FDFT1: variants seen among roughly 807,000 people sequenced by gnomAD.
FDFT1 encodes farnesyl-diphosphate farnesyltransferase 1, also known as squalene synthase.
FDFT1 carries 68 observed loss-of-function variants against 46.8 expected under a neutral mutation model. The observed-to-expected ratio is 1.45, with a 90% CI of 1.19 to 1.78. FDFT1 has a LOEUF of 1.78. Ranked by LOEUF, FDFT1 falls within the 40% of genes most tolerant of loss-of-function variation. The pLI is 0.00. For synonymous variants in FDFT1, 351 were observed against 185.1 expected (o/e 1.90, Z -7.28); for missense variants, 928 against 524.4 (o/e 1.77, Z -7.52).
intron 7 of FDFT1, among the ~76,000 whole-genome samples, chr8:11,835,769 G>A (rs1477781870): frequency 6.6e-6 from 1 of 152,082 alleles, no homozygotes; most frequent in Non-Finnish European, 1.5e-5. Context: ...GTAGTTTGGT[G>A]CTGATGTTAT....
chr8:11,809,477 T>C, intron 2 of FDFT1, 190 bp from the exon 3 acceptor site: 1 of 1,321,436 alleles, frequency 7.6e-7, no homozygotes, highest in Non-Finnish European at 9.6e-7. Flanking sequence ...ACTACAGAAG[T>C]TCATTACTCT....
Position 11,826,179 on chromosome 8 carries a change from A to AGACC in FDFT1, c.667_670dup (p.Gln224ArgfsTer19). Reference sequence around the variant, plus strand: ...CAAACATCATCCGTGACTATCTGGAAGACCAGCAAGGAGGAAGAGAGTTCT... The same window carrying AGACC: ...CAAACATCATCCGTGACTATCTGGAAGACCGACCAGCAAGGAGGAAGAGAGTTCT... On this transcript the variant is annotated frameshift_variant, in exon 5 of 8. Transcript: ENST00000220584. LOFTEE classifies it high-confidence loss of function. 1 of 1,583,322 alleles carries AGACC rather than the reference A, an allele frequency of 6.3e-7. No homozygotes were observed. The highest frequency in any genetic ancestry group is 2.3e-5 in the East Asian group (1 of 44,288).
chr8:11,832,786 C>A (rs2130886438), intron 7 of FDFT1, among the ~76,000 whole-genome samples: 1 of 152,050 alleles, frequency 6.6e-6, no homozygotes, highest in East Asian at 1.9e-4. Flanking sequence ...CAGGTGTGAT[C>A]CTGTTGAGAA....
chr8:11,809,989 G>T (rs1168870203), intron 3 of FDFT1, 139 bp downstream of exon 3: 3 of 620,420 alleles, frequency 4.8e-6, no homozygotes, highest in African/African-American at 1.9e-5. Context: ...AAAAACTCCG[G>T]TAGCCAAGAC....
intron 1 of FDFT1, chr8:11,803,243 T>C (rs1806370287): frequency 1.0e-5 from 14 of 1,376,832 alleles, no homozygotes; most frequent in Non-Finnish European, 1.2e-5. Context: ...AACCCGAGGG[T>C]TACACATCTG....
intron 3 of FDFT1, among the ~76,000 whole-genome samples, chr8:11,817,225 G>T (rs560546114): frequency 6.6e-6 from 1 of 152,332 alleles, no homozygotes; most frequent in South Asian, 2.1e-4. Flanking sequence ...AAGCCGACTT[G>T]ATCGTGGTGG....
intron 2 of FDFT1, 108 bp from the exon 3 acceptor site, chr8:11,809,559 G>C (rs1807406338): frequency 7.5e-7 from 1 of 1,328,166 alleles, no homozygotes. Flanking sequence ...TAGTTCTTTA[G>C]AGTTAAGGGT....
chr8:11,810,933 TAAAAAA>T (rs71539744), intron 3 of FDFT1, among the ~76,000 whole-genome samples: 10 of 89,448 alleles, frequency 1.1e-4, no homozygotes, highest in African/African-American at 8.8e-5. Flanking sequence ...GAGCAATATT[TAAAAAA>T]AAAAAAAAAA....
intron 4 of FDFT1, among the ~76,000 whole-genome samples, chr8:11,822,904 A>G (rs1286368017): frequency 6.6e-6 from 1 of 152,256 alleles, no homozygotes; most frequent in African/African-American, 2.4e-5. Context: ...AGATTTATTC[A>G]GGAAACTTAA....
chr8:11,838,538 G>A lies in FDFT1; in HGVS notation c.1183G>A (p.Ala395Thr), dbSNP rs1200661882. The change falls in exon 8 of 8, where the codon GCC becomes ACC. Residue 395 changes from alanine (A) to threonine (T), a missense_variant. Transcript: ENST00000220584. The stretch of plus-strand genomic sequence containing the variant: ...CCTGTCGTTTGTCATGCTTTTGGCT[G>A]CCCTGAGCTGGCAGTACCTGACCAC... ...IYLSFVMLLA[A>T]LSWQYLTTLS... 1.2e-6 allele frequency: 2 copies of A among 1,611,842 alleles called. No homozygotes were observed. Among genetic ancestry groups the A allele is most frequent in the South Asian group, 1.1e-5 (1 of 90,672 alleles).
At chr8:11,818,449 T>C (rs891095499) in intron 3 of FDFT1, among the ~76,000 whole-genome samples, 4 of 152,200 alleles carry the variant, frequency 2.6e-5, no homozygotes, top group African/African-American at 4.8e-5. Context: ...CTATCTAATA[T>C]TGACAGTGGG....
intron 1 of FDFT1, chr8:11,803,548 T>C (rs1048952527): frequency 1.9e-5 from 21 of 1,105,918 alleles, no homozygotes; most frequent in Non-Finnish European, 2.3e-5. Context: ...TAGATTTTTA[T>C]CTGCCTCATG....
At chr8:11,799,795 A>T (rs1805919215), upstream of FDFT1, among the ~76,000 whole-genome samples, 1 of 152,088 alleles carries the variant, frequency 6.6e-6, no homozygotes, top group Non-Finnish European at 1.5e-5. Flanking sequence ...AAAATAAAAA[A>T]ATTAGCTGGC....
In FDFT1 at chr8:11,808,341, A is replaced by C. The variant is rs111385426; in HGVS notation, c.100-453A>C. ...TGGTGAGAAGGGCAACAGCGGGAGG[A>C]GGCGCCGGTGCGGAGCGGGAGGCCG... On this transcript the variant is annotated intron_variant, in intron 1 of 7. Coordinates refer to ENST00000220584, the MANE Select transcript of FDFT1 (RefSeq NM_004462.5). 725 of 1,223,500 alleles carry C rather than the reference A, an allele frequency of 5.9e-4. 2 individuals carry two copies. The African/African-American group carries it at 0.011, about 18-fold the overall frequency. 75.8% of individuals were successfully genotyped at this position (1,223,500 alleles called of 1,614,324 possible).
At chr8:11,814,200 C>T (rs887202094) in intron 3 of FDFT1, among the ~76,000 whole-genome samples, 1 of 152,038 alleles carries the variant, frequency 6.6e-6, no homozygotes, top group Non-Finnish European at 1.5e-5. Context: ...TGGTTTGTTT[C>T]AGCCACAAGA....
At chr8:11,815,229 A>G (rs778306234) in intron 3 of FDFT1, among the ~76,000 whole-genome samples, 39 of 152,264 alleles carry the variant, frequency 2.6e-4, no homozygotes, top group Middle Eastern at 3.4e-3. Context: ...GTAGTATTCC[A>G]TGGTGTATAT....
intron 3 of FDFT1, among the ~76,000 whole-genome samples, chr8:11,820,496 G>T (rs981374764): frequency 6.6e-6 from 1 of 152,028 alleles, no homozygotes; most frequent in African/African-American, 2.4e-5. Flanking sequence ...GAGCTGCGGT[G>T]GGCTCCACCC....
intron 4 of FDFT1, among the ~76,000 whole-genome samples, chr8:11,825,046 G>C (rs1030101220): frequency 1.3e-5 from 2 of 152,132 alleles, no homozygotes; most frequent in Admixed American, 6.5e-5. Context: ...AATGTGCAGA[G>C]TTCTTAAAAC....
chr8:11,802,012 T>G (rs377618130), upstream of FDFT1: 198 of 456,056 alleles, frequency 4.3e-4, no homozygotes, highest in Non-Finnish European at 7.9e-4. Flanking sequence ...TTTCTAGGGC[T>G]GGAGAGATCT....
Sources: allele counts gnomAD v4.1 joint callset (sites outside exome capture counted in the v4.1 genomes callset), GRCh38; gene constraint gnomAD v4.1.1; transcripts MANE v1.5; gene names NCBI Gene and HGNC (gene_info 2026-07-23, HGNC 2026-07-21).